The following TRAF5 variants were observed in gnomAD, a reference collection of about 807,000 sequenced individuals.
The protein encoded by TRAF5 is TNF receptor associated factor 5, also known as TNF receptor-associated factor 5.
Under a neutral mutation model 64.5 loss-of-function variants are expected in TRAF5, and 48 were observed. The ratio of observed to expected loss-of-function variants is 0.74; its 90% confidence interval spans 0.59 to 0.95. The LOEUF (loss-of-function observed/expected upper bound fraction) is 0.95, where lower values mean the gene tolerates loss of function less well. Among genes scored for constraint, TRAF5 ranks in the 40% least tolerant of loss-of-function variants. The pLI is 0.00. For missense variants in TRAF5, 545 were observed against 662.8 expected (o/e 0.82, Z 1.95); for synonymous variants, 206 against 240.5 (o/e 0.86, Z 1.33).
Position 211,369,570 on chromosome 1 carries a change from G to T in TRAF5, c.908G>T (p.Gly303Val). Residue 303 changes from glycine (G) to valine (V), a missense_variant, in exon 9 of 11, where the codon GGA becomes GTA. Gly to Val is a moderately radical substitution (Grantham distance 109, BLOSUM62 -3). Coordinates refer to ENST00000261464, the MANE Select transcript of TRAF5 (RefSeq NM_001033910.3). ...TTTGCACAGTTGTTTGGCAAAAATG[G>T]AAGCTTCCTCCCAAACATCCAGGTA... ...KQFAQLFGKN[G>V]SFLPNIQVFA... is the part of the protein sequence containing the mutation. 6.3e-7 allele frequency: 1 copy of T among 1,591,342 alleles called. No individual in the cohort carries two copies. The highest frequency in any genetic ancestry group is 1.8e-5 in the Admixed American group (1 of 55,692).
intron 1 of TRAF5, among the ~76,000 whole-genome samples, chr1:211,331,236 A>G (rs1314142809): frequency 2.0e-5 from 3 of 152,048 alleles, no homozygotes; most frequent in Non-Finnish European, 4.4e-5. Context: ...TTTCCTTTTC[A>G]TGCTGCTGCA....
chr1:211,363,806 G>A (rs764402625), intron 7 of TRAF5, among the ~76,000 whole-genome samples: 21 of 151,684 alleles, frequency 1.4e-4, no homozygotes, highest in Non-Finnish European at 2.5e-4. Flanking sequence ...AGCTCCTTGG[G>A]AGGCTGAGGT....
intron 2 of TRAF5, 87 bp downstream of exon 2, chr1:211,353,544 T>C (rs756915182): frequency 2.2e-6 from 3 of 1,370,814 alleles, no homozygotes; most frequent in Non-Finnish European, 3.0e-6. Flanking sequence ...TCATGGGTTT[T>C]GGAGTTGTTT....
intron 9 of TRAF5, 31 bp downstream of exon 9, chr1:211,369,623 G>T (rs545264702): frequency 6.6e-7 from 1 of 1,520,092 alleles, no homozygotes; most frequent in East Asian, 2.4e-5. Flanking sequence ...TGAAAGCCAA[G>T]ATTTGGCTTT....
chr1:211,334,446 C>G (rs545658310), intron 1 of TRAF5, among the ~76,000 whole-genome samples: 3 of 152,312 alleles, frequency 2.0e-5, no homozygotes, highest in Non-Finnish European at 2.9e-5. Flanking sequence ...ATCACAAGGT[C>G]AGGAGATTGA....
At chr1:211,327,020 C>T in intron 1 of TRAF5, 131 bp downstream of exon 1, 5 of 808,254 alleles carry the variant, frequency 6.2e-6, no homozygotes, top group Non-Finnish European at 7.5e-6. Context: ...CGGCCGGTCC[C>T]CGACCGGCGG....
chr1:211,348,926 G>A (rs1040828579), intron 1 of TRAF5, among the ~76,000 whole-genome samples: 1 of 151,288 alleles, frequency 6.6e-6, no homozygotes, highest in Non-Finnish European at 1.5e-5. Context: ...ACCAGGTGCT[G>A]TGGCTCATAC....
At chr1:211,360,601 G>A (rs1703143117) in intron 5 of TRAF5, 101 bp from the exon 6 acceptor site, 1 of 902,382 alleles carries the variant, frequency 1.1e-6, no homozygotes, top group Admixed American at 2.0e-5. Flanking sequence ...TTCCTGTAGA[G>A]AGTAAGCCAC....
At chr1:211,347,572 G>C (rs35791308) in intron 1 of TRAF5, among the ~76,000 whole-genome samples, 20,105 of 152,296 alleles carry the variant, frequency 0.13, 1,394 homozygotes, top group South Asian at 0.2. Flanking sequence ...GAATGACTTA[G>C]GCCTGTTGAA....
chr1:211,344,845 C>A (rs964085946), intron 1 of TRAF5, among the ~76,000 whole-genome samples: 3 of 152,076 alleles, frequency 2.0e-5, no homozygotes, highest in Non-Finnish European at 4.4e-5. Flanking sequence ...CCTCGACCTC[C>A]CAGGCCCAAG....
intron 1 of TRAF5, among the ~76,000 whole-genome samples, chr1:211,331,439 T>C (rs1052535327): frequency 6.6e-6 from 1 of 152,138 alleles, no homozygotes; most frequent in African/African-American, 2.4e-5. Context: ...TAAATAGAAA[T>C]AGTAATGTGT....
intron 1 of TRAF5, among the ~76,000 whole-genome samples, chr1:211,350,533 C>G (rs1426832120): frequency 1.3e-5 from 2 of 152,178 alleles, no homozygotes; most frequent in Non-Finnish European, 2.9e-5. Flanking sequence ...CTCTCAGAAC[C>G]TGGGAAGCCA....
intron 1 of TRAF5, among the ~76,000 whole-genome samples, chr1:211,336,733 C>T (rs965841862): frequency 6.6e-6 from 1 of 152,228 alleles, no homozygotes; most frequent in African/African-American, 2.4e-5. Context: ...GATCTTGGCT[C>T]ACTGTAACCT....
intron 5 of TRAF5, 42 bp downstream of exon 5, chr1:211,360,118 A>G (rs747175154): frequency 6.3e-6 from 10 of 1,586,204 alleles, no homozygotes; most frequent in African/African-American, 1.3e-5. Context: ...ATGGAGCTAA[A>G]TTATGCCTGA....
chr1:211,368,194 A>G (rs755013585), intron 8 of TRAF5, among the ~76,000 whole-genome samples: 1 of 152,096 alleles, frequency 6.6e-6, no homozygotes, highest in Admixed American at 6.6e-5. Context: ...AATGGGTTTG[A>G]GGCTGAAAGT....
At chr1:211,362,194 C>T (rs1703208688) in intron 7 of TRAF5, among the ~76,000 whole-genome samples, 1 of 152,066 alleles carries the variant, frequency 6.6e-6, no homozygotes, top group Admixed American at 6.5e-5. Context: ...TAATGAATTA[C>T]ACAAAATAAA....
rs1395259599 is a variant in TRAF5 at position 211,359,973 on chromosome 1, C to T, written c.440C>T (p.Pro147Leu). 1.9e-6 allele frequency: 3 copies of T among 1,614,074 alleles called. No individual in the cohort carries two copies. The East Asian group carries it at 6.7e-5, about 36-fold the overall frequency. The stretch of plus-strand genomic sequence containing the variant: ...TGTTCTAATGAGAAGTGCCGGGAGC[C>T]AGTCCTACGGAAAGACCTGAAAGAG... Reference protein sequence around the residue: ...VQCSNEKCREPVLRKDLKEHL... With the variant: ...VQCSNEKCRELVLRKDLKEHL... The change falls in exon 5 of 11, where the codon CCA (proline) becomes CTA (leucine). Residue 147 changes from proline (P) to leucine (L), a missense_variant. By Grantham distance (98) the Pro-to-Leu change is moderately conservative. Transcript: ENST00000261464.
chr1:211,360,434 C>T (rs185633098), intron 5 of TRAF5: 172 of 503,720 alleles, frequency 3.4e-4, no homozygotes, highest in African/African-American at 2.6e-3. Context: ...TTACATGTCC[C>T]GAAGGAGCTA....
At position 211,372,593 on chromosome 1, in the gene TRAF5, C is replaced by T. The variant is rs1288557697; in HGVS notation, c.1565C>T (p.Pro522Leu). The T allele has an allele frequency of 5.0e-6, 8 of 1,614,098 alleles. No individual in the cohort carries two copies. The highest frequency in any genetic ancestry group is 6.8e-6 in the Non-Finnish European group (8 of 1,180,026). ...DGEMNIASGCPRFVAHSVLEN... is the reference protein window; with the variant it reads ...DGEMNIASGCLRFVAHSVLEN... ...GAGATGAACATTGCATCTGGCTGTC[C>T]CCGCTTTGTGGCTCATTCTGTTTTG... The change falls in exon 11 of 11, where the codon CCC becomes CTC. Residue 522 changes from proline to leucine, a missense_variant. By Grantham distance (98) the Pro-to-Leu change is moderately conservative (BLOSUM62 -3). Transcript: ENST00000261464.
Sources: gnomAD v4.1 joint callset for allele counts (sites outside exome capture counted in the v4.1 genomes callset) on GRCh38, gnomAD v4.1.1 for gene constraint, MANE v1.5 for transcripts, NCBI Gene and HGNC (gene_info 2026-07-23, HGNC 2026-07-21) for gene names.